Variants in BTBD7 observed in about 807,000 individuals in gnomAD.
The protein encoded by BTBD7 is BTB/POZ domain-containing protein 7.
A neutral mutation model predicts 99.9 loss-of-function variants in BTBD7; 38 were observed. That is an observed-to-expected ratio of 0.38 (90% CI 0.29 to 0.50). The LOEUF is 0.50. Among genes scored for constraint, BTBD7 ranks in the 20% least tolerant of loss-of-function variants. The pLI, the probability that BTBD7 is intolerant of heterozygous loss-of-function variation, is 0.93. For missense variants in BTBD7, 1,170 were observed against 1,394.6 expected (o/e 0.84, Z 2.57); for synonymous variants, 520 against 511.4 (o/e 1.02, Z -0.23).
In BTBD7 at chr14:93,246,016, T is replaced by G. The variant is rs372008556; in HGVS notation, c.2392A>C (p.Asn798His). 6.2e-7 allele frequency: 1 copy of G among 1,613,614 alleles called. No homozygotes were observed. Among genetic ancestry groups the G allele is most frequent in the South Asian group, 1.1e-5 (1 of 91,066 alleles). Residue 798 changes from asparagine (N) to histidine (H), a missense_variant, in exon 10 of 11, where the codon AAT (asparagine) becomes CAT (histidine). Coordinates refer to ENST00000334746, the MANE Select transcript of BTBD7 (RefSeq NM_001002860.4). ...GTTCTGGAGTGGAACAGCGAATGATTACAGGGATAAGAAAATGAACGTGAA... is the reference window on the plus strand; with the variant it reads ...GTTCTGGAGTGGAACAGCGAATGATGACAGGGATAAGAAAATGAACGTGAA... ...HPSRSFSYPC[N>H]HSLFHSRTAP...
At chr14:93,331,886 C>G (rs74072831) in intron 1 of BTBD7, among the ~76,000 whole-genome samples, 3,534 of 147,336 alleles carry the variant, frequency 0.024, 330 homozygotes, top group African/African-American at 0.084. Flanking sequence ...GTCTCCCCCC[C>G]CCCAAAAAGG....
At chr14:93,297,726 G>A (rs1264310853) in intron 1 of BTBD7, among the ~76,000 whole-genome samples, 1 of 152,132 alleles carries the variant, frequency 6.6e-6, no homozygotes, top group Non-Finnish European at 1.5e-5. Context: ...AGAAAATAAG[G>A]GCCTGGAGGC....
At position 93,294,609 on chromosome 14, in the gene BTBD7, C is replaced by G. The variant is rs201027841; in HGVS notation, c.411G>C (p.Glu137Asp). 1 of 1,614,068 alleles carries G rather than the reference C, an allele frequency of 6.2e-7. No homozygotes were observed. Among genetic ancestry groups the G allele is most frequent in the Non-Finnish European group, 8.5e-7 (1 of 1,180,038 alleles). The change falls in exon 3 of 11, where the codon GAG becomes GAC. Residue 137 changes from glutamate to aspartate, a missense_variant. Physicochemically the swap from Glu to Asp is conservative, Grantham distance 45 (BLOSUM62 2). Coordinates refer to ENST00000334746, the MANE Select transcript of BTBD7 (RefSeq NM_001002860.4). ...TLQKDMADLY[E>D]YKYCTDVDLI... ...AGTCTACATCAGTACAATACTTGTA[C>G]TCATAAAGATCAGCCATATCTTTCT...
At chr14:93,301,083 C>T (rs1289192337) in intron 1 of BTBD7, among the ~76,000 whole-genome samples, 3 of 151,994 alleles carry the variant, frequency 2.0e-5, no homozygotes, top group Admixed American at 6.6e-5. Flanking sequence ...GTGGCTCATG[C>T]CTATATTACG....
rs61747488 is a variant in BTBD7, at chr14:93,293,945, C to T, written c.1075G>A (p.Ala359Thr). The change falls in exon 3 of 11, where the codon GCA (alanine) becomes ACA (threonine). Residue 359 changes from alanine to threonine, a missense_variant. Coordinates refer to ENST00000334746, the MANE Select transcript of BTBD7 (RefSeq NM_001002860.4). Reference protein sequence around the residue: ...GSLSEVQALVAGKPNMTRAEE... With the variant: ...GSLSEVQALVTGKPNMTRAEE... ...GCCCTGGTCATGTTTGGCTTCCCTGCGACGAGAGCCTGAACTTCACTGAGA... is the reference window on the plus strand; with the variant it reads ...GCCCTGGTCATGTTTGGCTTCCCTGTGACGAGAGCCTGAACTTCACTGAGA... The T allele has an allele frequency of 2.0e-5, 32 of 1,613,536 alleles. No individual in the cohort carries two copies. Among genetic ancestry groups the T allele is most frequent in the Non-Finnish European group, 2.3e-5 (27 of 1,179,862 alleles).
At chr14:93,262,568 G>A (rs906664855) in intron 4 of BTBD7, among the ~76,000 whole-genome samples, 6 of 152,196 alleles carry the variant, frequency 3.9e-5, no homozygotes, top group African/African-American at 1.2e-4. Flanking sequence ...ACAGAGATAA[G>A]TAAATGAAAG....
intron 3 of BTBD7, chr14:93,288,339 A>G: frequency 3.3e-6 from 2 of 605,734 alleles, no homozygotes; most frequent in Non-Finnish European, 5.8e-6. Flanking sequence ...TCATCTCTTT[A>G]TTATATTATT....
intron 3 of BTBD7, chr14:93,287,667 G>A (rs909212162): frequency 4.6e-5 from 7 of 152,174 alleles, no homozygotes; most frequent in African/African-American, 1.7e-4. Context: ...AACATTGAAA[G>A]TAATTGATTT....
chr14:93,321,726 G>C (rs944495780), intron 1 of BTBD7, among the ~76,000 whole-genome samples: 1 of 152,170 alleles, frequency 6.6e-6, no homozygotes, highest in Admixed American at 6.6e-5. Context: ...GTTTGGATCT[G>C]ACTCTGCCAT....
chr14:93,288,690 T>C (rs1197636535), intron 3 of BTBD7: 1 of 1,599,206 alleles, frequency 6.3e-7, no homozygotes, highest in East Asian at 2.2e-5. Context: ...CAGGCAGGCC[T>C]GATGACTGTA....
chr14:93,314,234 T>G (rs1237477503), intron 1 of BTBD7, among the ~76,000 whole-genome samples: 1 of 152,174 alleles, frequency 6.6e-6, no homozygotes, highest in Admixed American at 6.5e-5. Context: ...TCTTGTAGAT[T>G]ATCATTCTTA....
intron 1 of BTBD7, among the ~76,000 whole-genome samples, chr14:93,301,052 A>T (rs1173230449): frequency 6.6e-6 from 1 of 152,130 alleles, no homozygotes; most frequent in Non-Finnish European, 1.5e-5. Context: ...GAATATAAAT[A>T]ACAATTAACG....
chr14:93,301,172 T>C (rs1042193265), intron 1 of BTBD7, among the ~76,000 whole-genome samples: 2 of 151,844 alleles, frequency 1.3e-5, no homozygotes, highest in Admixed American at 6.6e-5. Flanking sequence ...CTGGGCAACA[T>C]TGTGAGACTC....
At chr14:93,292,216 A>C (rs907717871) in intron 3 of BTBD7, among the ~76,000 whole-genome samples, 10 of 152,298 alleles carry the variant, frequency 6.6e-5, no homozygotes, top group Admixed American at 3.9e-4. Flanking sequence ...CATATATTAA[A>C]GAATGCTTTC....
intron 10 of BTBD7, 39 bp downstream of exon 10, chr14:93,245,786 A>G: frequency 1.3e-6 from 2 of 1,580,808 alleles, no homozygotes; most frequent in Non-Finnish European, 1.7e-6. Context: ...AATTCTCCAT[A>G]AACCGAATTT....
intron 3 of BTBD7, chr14:93,288,736 T>C: frequency 6.2e-7 from 1 of 1,606,096 alleles, no homozygotes; most frequent in Non-Finnish European, 8.5e-7. Flanking sequence ...GCAAGCTGGC[T>C]TTTTCATTTT....
intron 1 of BTBD7, among the ~76,000 whole-genome samples, chr14:93,320,603 A>G (rs1319595722): frequency 1.3e-5 from 2 of 152,044 alleles, no homozygotes; most frequent in Non-Finnish European, 2.9e-5. Flanking sequence ...GCAGAATTAC[A>G]GCTAGAAGTA....
chr14:93,304,952 A>C (rs1238935110), intron 1 of BTBD7, among the ~76,000 whole-genome samples: 1 of 152,358 alleles, frequency 6.6e-6, no homozygotes, highest in African/African-American at 2.4e-5. Flanking sequence ...AGAACAAAAC[A>C]GAAACTCAAA....
chr14:93,262,233 C>G (rs904153732), intron 4 of BTBD7, among the ~76,000 whole-genome samples: 1 of 151,570 alleles, frequency 6.6e-6, no homozygotes, highest in East Asian at 1.9e-4. Context: ...CCCAGGTTCA[C>G]GCCATTCTCC....
Sources: allele counts gnomAD v4.1 joint callset (sites outside exome capture counted in the v4.1 genomes callset), GRCh38; gene constraint gnomAD v4.1.1; transcripts MANE v1.5; gene names NCBI Gene and HGNC (gene_info 2026-07-23, HGNC 2026-07-21).